The following NRG1 variants were observed in gnomAD, a reference collection of about 807,000 sequenced individuals.
NRG1 encodes the protein neuregulin 1.
Under a neutral mutation model 63.8 loss-of-function variants are expected in NRG1, and 18 were observed. The ratio of observed to expected loss-of-function variants is 0.28; its 90% confidence interval spans 0.19 to 0.42. NRG1 has a LOEUF of 0.42. Ranked by LOEUF, NRG1 falls within the 10% of genes least tolerant of loss-of-function variation. NRG1 has a pLI of 1.00. For missense variants in NRG1, 762 were observed against 814.7 expected (o/e 0.94, Z 0.79); for synonymous variants, 302 against 301.3 (o/e 1.00, Z -0.02).
intron 1 of NRG1, among the ~76,000 whole-genome samples, chr8:31,667,419 C>T (rs1489298899): frequency 6.6e-6 from 1 of 152,130 alleles, no homozygotes; most frequent in Non-Finnish European, 1.5e-5. Context: ...TTCCCCCATC[C>T]CCTGCTCCTC....
At chr8:31,702,626 C>G (rs956557805) in intron 1 of NRG1, among the ~76,000 whole-genome samples, 2 of 151,868 alleles carry the variant, frequency 1.3e-5, no homozygotes, top group African/African-American at 2.4e-5. Context: ...TTAGCAGTGC[C>G]CTCATGAATG....
intron 1 of NRG1, among the ~76,000 whole-genome samples, chr8:32,450,706 G>T (rs558175041): frequency 6.6e-6 from 1 of 152,192 alleles, no homozygotes; most frequent in East Asian, 1.9e-4. Context: ...GTGAACCACT[G>T]CACCTGGTCT....
At chr8:32,100,679 T>C (rs1263859506) in intron 1 of NRG1, among the ~76,000 whole-genome samples, 1 of 152,186 alleles carries the variant, frequency 6.6e-6, no homozygotes, top group Admixed American at 6.5e-5. Flanking sequence ...TTTTTTATTT[T>C]CTAATGACAA....
chr8:32,470,183 CTTTT>C (rs33936895), intron 1 of NRG1, among the ~76,000 whole-genome samples: 2 of 124,700 alleles, frequency 1.6e-5, no homozygotes, highest in African/African-American at 3.0e-5. Flanking sequence ...GAAAAGGACT[CTTTT>C]TTTTTTTTTT....
intron 7 of NRG1, chr8:32,749,472 G>T: frequency 7.8e-7 from 1 of 1,274,464 alleles, no homozygotes; most frequent in Non-Finnish European, 1.1e-6. Flanking sequence ...TAATAGTCAT[G>T]TGTAATGTGT....
intron 1 of NRG1, among the ~76,000 whole-genome samples, chr8:32,035,087 G>A (rs1373980525): frequency 6.6e-6 from 1 of 152,096 alleles, no homozygotes; most frequent in Admixed American, 6.5e-5. Flanking sequence ...GCATTTAGTG[G>A]TATACATTTC....
chr8:32,070,558 G>T (rs993928717), intron 1 of NRG1, among the ~76,000 whole-genome samples: 11 of 152,162 alleles, frequency 7.2e-5, no homozygotes, highest in African/African-American at 2.4e-4. Flanking sequence ...ACTCAGTGCA[G>T]ATTTTGATTT....
intron 1 of NRG1, among the ~76,000 whole-genome samples, chr8:31,824,236 C>T (rs1824312055): frequency 7.3e-6 from 1 of 136,396 alleles, no homozygotes; most frequent in South Asian, 2.3e-4. Flanking sequence ...CAAGTGTTCT[C>T]ACTGTTCAAT....
intron 5 of NRG1, among the ~76,000 whole-genome samples, chr8:32,712,195 G>T (rs1002776633): frequency 1.6e-4 from 24 of 152,138 alleles, no homozygotes; most frequent in Admixed American, 1.6e-3. Context: ...CGATTTTCAT[G>T]CTTCTGGGAC....
At chr8:31,741,295 G>T (rs1388228732) in intron 1 of NRG1, among the ~76,000 whole-genome samples, 1 of 151,824 alleles carries the variant, frequency 6.6e-6, no homozygotes, top group Non-Finnish European at 1.5e-5. Flanking sequence ...AGGATCATTT[G>T]TACCCCAAAG....
At chr8:31,774,774 T>C (rs922674186) in intron 1 of NRG1, among the ~76,000 whole-genome samples, 1 of 152,136 alleles carries the variant, frequency 6.6e-6, no homozygotes, top group Admixed American at 6.5e-5. Flanking sequence ...GGCTTTAAAG[T>C]ACACGAACAG....
intron 1 of NRG1, among the ~76,000 whole-genome samples, chr8:32,062,564 C>T (rs1474750183): frequency 2.0e-5 from 3 of 151,972 alleles, no homozygotes; most frequent in African/African-American, 2.4e-5. Flanking sequence ...GAGTAGGTCA[C>T]ATAGAGAGGA....
At position 32,531,174 on chromosome 8, in the gene NRG1, G is replaced by T. The variant is rs896497587; in HGVS notation, c.38-64654G>T. Among the ~76,000 whole-genome samples, 2 of 151,884 alleles carry T rather than the reference G, an allele frequency of 1.3e-5. 1 individual carries two copies. The highest frequency in any genetic ancestry group is 2.9e-5 in the Non-Finnish European group (2 of 67,984). ...AGAGAAAAGAGAGAAAAGAAAGAAAGAGATGTTATCCATGATTTAGTGGAA... is the reference window on the plus strand; with the variant it reads ...AGAGAAAAGAGAGAAAAGAAAGAAATAGATGTTATCCATGATTTAGTGGAA... On this transcript the variant is annotated intron_variant, in intron 1 of 10. Transcript: ENST00000519301.
intron 1 of NRG1, among the ~76,000 whole-genome samples, chr8:32,437,854 C>T (rs1306485412): frequency 6.6e-6 from 1 of 151,958 alleles, no homozygotes; most frequent in African/African-American, 2.4e-5. Context: ...ATAGTAAATG[C>T]CTCTCAGCAA....
At chr8:31,695,190 G>A (rs953591222) in intron 1 of NRG1, among the ~76,000 whole-genome samples, 2 of 152,014 alleles carry the variant, frequency 1.3e-5, no homozygotes, top group Admixed American at 1.3e-4. Context: ...ATTTTTTTGA[G>A]GCAGAGTCTC....
intron 1 of NRG1, among the ~76,000 whole-genome samples, chr8:32,212,438 A>G (rs976748921): frequency 5.9e-5 from 9 of 152,154 alleles, no homozygotes; most frequent in African/African-American, 1.4e-4. Flanking sequence ...ATTGGACACA[A>G]TGACCACTGA....
At position 31,849,797 on chromosome 8, in the gene NRG1, A is replaced by C. The variant is rs78333814; in HGVS notation, c.37+210366A>C. ...AGCAGTTTGCTGGGTCTCCCTGAAA[A>C]TAATGTGTCAGTTAGGCTACCTATA... is the stretch of plus-strand genomic sequence containing the variant. On this transcript the variant is annotated intron_variant, in intron 1 of 10. Transcript: ENST00000519301. Among the ~76,000 whole-genome samples, 12 of 152,248 alleles carry C rather than the reference A, an allele frequency of 7.9e-5. No homozygotes were observed. In the East Asian group the frequency reaches 2.1e-3, roughly 27 times the overall value.
At chr8:31,641,031 T>C (rs931185436) in intron 1 of NRG1, among the ~76,000 whole-genome samples, 9 of 152,144 alleles carry the variant, frequency 5.9e-5, no homozygotes, top group Admixed American at 5.9e-4. Context: ...GCCGGCTGCT[T>C]TCTTGTGGGT....
At position 31,663,703 on chromosome 8, in the gene NRG1, A is replaced by G. The variant is rs565889576; in HGVS notation, c.37+24272A>G. Among the ~76,000 whole-genome samples the G allele has an allele frequency of 6.4e-4, 98 of 152,300 alleles. 1 individual carries two copies. The highest frequency in any genetic ancestry group is 2.3e-3 in the African/African-American group (94 of 41,568). ...TGGGGAAGAGGGCTGGGTTATGTCC[A>G]GTTAATGGGCAGGCATGTAGATTAT... On this transcript the variant is annotated intron_variant, in intron 1 of 10. Transcript: ENST00000519301.
Sources: gnomAD v4.1 joint callset for allele counts (sites outside exome capture counted in the v4.1 genomes callset) on GRCh38, gnomAD v4.1.1 for gene constraint, MANE v1.5 for transcripts, NCBI Gene and HGNC (gene_info 2026-07-23, HGNC 2026-07-21) for gene names.